Variants in PCSK2 observed in about 807,000 individuals in gnomAD.
PCSK2 encodes neuroendocrine convertase 2.
A neutral mutation model predicts 69.7 loss-of-function variants in PCSK2; 14 were observed. The ratio of observed to expected loss-of-function variants is 0.20; its 90% CI spans 0.13 to 0.31. PCSK2 has a LOEUF of 0.31. PCSK2 is among the 10% of genes least tolerant of loss of function. The probability of loss-of-function intolerance (pLI) is 1.00; values close to 1 mark genes in which losing one functional copy is unlikely to be tolerated. For missense variants in PCSK2, 544 were observed against 842.5 expected, an observed-to-expected ratio of 0.65 and a Z score of 4.39; for synonymous variants, 307 against 320.7, an observed-to-expected ratio of 0.96 and a Z score of 0.46.
chr20:17,236,436 T>A (rs1986341075), intron 1 of PCSK2, among the ~76,000 whole-genome samples: 1 of 152,170 alleles, frequency 6.6e-6, no homozygotes, highest in Non-Finnish European at 1.5e-5. Context: ...ATTACATAAT[T>A]CAACTTTTGT....
chr20:17,408,396 GA>G lies in PCSK2; in HGVS notation c.544-857del, dbSNP rs530354194. 5.6e-3 allele frequency among the ~76,000 whole-genome samples: 815 copies of G among 145,586 alleles called. 3 individuals are homozygous for G. Among genetic ancestry groups the G allele is most frequent in the Non-Finnish European group, 6.6e-3 (432 of 65,828 alleles). ...ACCAACTAAAGACCTAAATGTTAAA[GA>G]AAAAAAAAACCCACAAAATTGCTTA... is the stretch of plus-strand genomic sequence containing the variant. On this transcript the variant is annotated intron_variant, in intron 5 of 11. Coordinates refer to ENST00000262545, the MANE Select transcript of PCSK2 (RefSeq NM_002594.5).
At chr20:17,249,264 T>G (rs1256804525) in intron 1 of PCSK2, among the ~76,000 whole-genome samples, 1 of 152,164 alleles carries the variant, frequency 6.6e-6, no homozygotes, top group African/African-American at 2.4e-5. Flanking sequence ...CCCAGCACTT[T>G]GGGAGGCTGA....
At chr20:17,365,425 C>T (rs2123223482) in intron 4 of PCSK2, among the ~76,000 whole-genome samples, 1 of 152,266 alleles carries the variant, frequency 6.6e-6, no homozygotes, top group East Asian at 1.9e-4. Context: ...ACTCAAATCT[C>T]AGCATTTCAC....
chr20:17,456,345 C>T lies in PCSK2; in HGVS notation c.1102-3C>T. ...ACTCATTACTCATTATCTTCCCTTC[C>T]AGGCAACCACAGATTTGTACGGCAA... On this transcript the variant is annotated splice_region_variant and splice_polypyrimidine_tract_variant and intron_variant, in intron 9 of 11. Coordinates refer to ENST00000262545, the MANE Select transcript of PCSK2 (RefSeq NM_002594.5). 2 of 1,587,578 alleles carry T rather than the reference C, an allele frequency of 1.3e-6. No individual in the cohort carries two copies. The highest frequency in any genetic ancestry group is 2.2e-5 in the East Asian group (1 of 44,726).
At chr20:17,298,325 G>A (rs535219361) in intron 2 of PCSK2, among the ~76,000 whole-genome samples, 1 of 152,256 alleles carries the variant, frequency 6.6e-6, no homozygotes, top group Non-Finnish European at 1.5e-5. Flanking sequence ...TAAAAGGAAT[G>A]GTTCTCACCA....
chr20:17,327,772 A>G (rs536382834), intron 2 of PCSK2, among the ~76,000 whole-genome samples: 8 of 152,366 alleles, frequency 5.3e-5, no homozygotes, highest in South Asian at 2.1e-4. Flanking sequence ...ATTTTTTGGT[A>G]AATCACTTTT....
intron 2 of PCSK2, among the ~76,000 whole-genome samples, chr20:17,353,863 T>C (rs983801015): frequency 1.3e-5 from 2 of 152,202 alleles, no homozygotes; most frequent in Admixed American, 6.5e-5. Context: ...TGGATGCAGA[T>C]GGAGTTCATT....
At chr20:17,237,407 G>A (rs192419543) in intron 1 of PCSK2, among the ~76,000 whole-genome samples, 179 of 152,308 alleles carry the variant, frequency 1.2e-3, no homozygotes, top group Non-Finnish European at 2.3e-3. Context: ...AGAAAACAAA[G>A]CGAAGTCCTA....
chr20:17,379,981 G>A (rs1327907909), intron 5 of PCSK2, among the ~76,000 whole-genome samples: 1 of 152,190 alleles, frequency 6.6e-6, no homozygotes, highest in Non-Finnish European at 1.5e-5. Context: ...GCAAGGAATG[G>A]CGGACTCCCT....
chr20:17,429,563 C>A, intron 7 of PCSK2, 40 bp downstream of exon 7: 1 of 1,319,858 alleles, frequency 7.6e-7, no homozygotes, highest in Non-Finnish European at 1.1e-6. Flanking sequence ...CACTAGGTAT[C>A]ACACTGATCT....
chr20:17,383,357 T>C (rs2031142121), intron 5 of PCSK2, among the ~76,000 whole-genome samples: 1 of 152,198 alleles, frequency 6.6e-6, no homozygotes. Flanking sequence ...CCCCAGGAAA[T>C]GAACACTTCA....
intron 2 of PCSK2, among the ~76,000 whole-genome samples, chr20:17,342,060 A>G (rs1312387801): frequency 1.3e-5 from 2 of 152,178 alleles, no homozygotes; most frequent in Non-Finnish European, 2.9e-5. Context: ...ATCCAGTCCC[A>G]TTTTACAAGA....
At chr20:17,421,807 T>TAAAAAAAAAAAAAAAAAA (rs56376793) in intron 6 of PCSK2, among the ~76,000 whole-genome samples, 1 of 78,968 alleles carries the variant, frequency 1.3e-5, no homozygotes, top group Non-Finnish European at 2.3e-5. Context: ...GGAAGAGAGG[T>TAAAAAAAAAAAAAAAAAA]AAAAAAAAAA....
chr20:17,347,873 A>AGG (rs1568612219), intron 2 of PCSK2, among the ~76,000 whole-genome samples: 559 of 2,830 alleles, frequency 0.2, 70 homozygotes, highest in Middle Eastern at 0.67. Flanking sequence ...GAGAGAGAAA[A>AGG]AAGAAAGAAA....
intron 5 of PCSK2, 104 bp downstream of exon 5, chr20:17,369,381 T>C: frequency 1.1e-6 from 1 of 886,954 alleles, no homozygotes; most frequent in Non-Finnish European, 1.9e-6. Context: ...TACACATGCA[T>C]GCAAGTACAG....
intron 2 of PCSK2, among the ~76,000 whole-genome samples, chr20:17,275,731 C>T (rs1988044515): frequency 6.6e-6 from 1 of 152,132 alleles, no homozygotes; most frequent in East Asian, 1.9e-4. Context: ...CTGCTGGGAT[C>T]CATCACACTG....
chr20:17,253,893 A>T (rs1236385274), intron 1 of PCSK2, among the ~76,000 whole-genome samples: 1 of 152,164 alleles, frequency 6.6e-6, no homozygotes, highest in Middle Eastern at 3.2e-3. Context: ...GCAGTTGGGC[A>T]GGGGTTGATT....
chr20:17,459,471 G>A (rs1038883037), intron 10 of PCSK2, among the ~76,000 whole-genome samples: 5 of 152,168 alleles, frequency 3.3e-5, no homozygotes, highest in Admixed American at 1.3e-4. Flanking sequence ...ATATACATAT[G>A]TGCAATTCTA....
intron 6 of PCSK2, among the ~76,000 whole-genome samples, chr20:17,424,727 G>A (rs1221249141): frequency 6.6e-6 from 1 of 152,022 alleles, no homozygotes; most frequent in Non-Finnish European, 1.5e-5. Context: ...TCCTGACCTC[G>A]TGATCTACCC....
Sources: gnomAD v4.1 joint callset for allele counts (sites outside exome capture counted in the v4.1 genomes callset) on GRCh38, gnomAD v4.1.1 for gene constraint, MANE v1.5 for transcripts, NCBI Gene and HGNC (gene_info 2026-07-23, HGNC 2026-07-21) for gene names.